MARCHF1: variants seen among roughly 807,000 people sequenced by gnomAD.
MARCHF1 encodes membrane associated ring-CH-type finger 1.
In MARCHF1, 40 loss-of-function variants were observed where a neutral mutation model predicts 54.2. That is an observed-to-expected ratio of 0.74 (90% CI 0.57 to 0.96). The LOEUF (loss-of-function observed/expected upper bound fraction) is 0.96. MARCHF1 is among the 40% of genes least tolerant of loss of function. The probability of loss-of-function intolerance (pLI) is 0.00; values close to 1 mark genes in which losing one functional copy is unlikely to be tolerated. For synonymous variants in MARCHF1, 236 were observed against 236.3 expected (o/e 1.00, Z 0.01); for missense variants, 586 against 656.5 (o/e 0.89, Z 1.17).
At chr4:163,888,556 T>C (rs2111262420) in intron 3 of MARCHF1, among the ~76,000 whole-genome samples, 1 of 152,304 alleles carries the variant, frequency 6.6e-6, no homozygotes, top group East Asian at 1.9e-4. Context: ...AAATACTGAT[T>C]ATTTGCATTT....
At chr4:164,019,263 G>A (rs1282963585) in intron 2 of MARCHF1, among the ~76,000 whole-genome samples, 1 of 152,146 alleles carries the variant, frequency 6.6e-6, no homozygotes, top group Non-Finnish European at 1.5e-5. Context: ...CAGGTGCACT[G>A]TATTTTCTTT....
chr4:164,218,890 T>G (rs1284354768), intron 1 of MARCHF1, among the ~76,000 whole-genome samples: 1 of 151,768 alleles, frequency 6.6e-6, no homozygotes, highest in Non-Finnish European at 1.5e-5. Context: ...TAACGAGCCT[T>G]TGGGAACTCC....
intron 4 of MARCHF1, among the ~76,000 whole-genome samples, chr4:163,835,106 T>C (rs1494288): frequency 0.79 from 119,590 of 152,036 alleles, 48,382 homozygotes; most frequent in Non-Finnish European, 0.91. Flanking sequence ...TGATCTCAAA[T>C]TTTTGGCCTT....
intron 1 of MARCHF1, among the ~76,000 whole-genome samples, chr4:164,273,439 G>A (rs1030879551): frequency 1.3e-4 from 20 of 152,244 alleles, no homozygotes; most frequent in African/African-American, 4.3e-4. Context: ...AATTCAAGAT[G>A]AGATTTAGGT....
intron 2 of MARCHF1, among the ~76,000 whole-genome samples, chr4:164,074,695 T>G (rs1754940360): frequency 6.6e-6 from 1 of 152,052 alleles, no homozygotes; most frequent in Non-Finnish European, 1.5e-5. Context: ...TGTTATGTTT[T>G]GAAAAGAAAT....
chr4:164,191,807 GAC>G (rs1731130725), intron 1 of MARCHF1, among the ~76,000 whole-genome samples: 1 of 152,224 alleles, frequency 6.6e-6, no homozygotes, highest in South Asian at 2.1e-4. Flanking sequence ...CACACTTGCT[GAC>G]AGATACATAT....
intron 4 of MARCHF1, among the ~76,000 whole-genome samples, chr4:163,752,533 G>T (rs969034301): frequency 6.6e-6 from 1 of 152,066 alleles, no homozygotes; most frequent in Non-Finnish European, 1.5e-5. Context: ...ATTGTGATAA[G>T]TGCTATATAA....
intron 1 of MARCHF1, among the ~76,000 whole-genome samples, chr4:164,127,577 G>A (rs1756211897): frequency 6.6e-6 from 1 of 151,972 alleles, no homozygotes; most frequent in African/African-American, 2.4e-5. Flanking sequence ...AAAAAATGTA[G>A]TAAACTAGAA....
At chr4:163,934,997 C>G (rs186560385) in intron 3 of MARCHF1, among the ~76,000 whole-genome samples, 70 of 152,190 alleles carry the variant, frequency 4.6e-4, no homozygotes, top group Non-Finnish European at 8.1e-4. Context: ...GCCTTAAAAA[C>G]TATGTTTCTT....
At chr4:163,869,175 AC>A (rs1439829508) in intron 3 of MARCHF1, among the ~76,000 whole-genome samples, 9 of 152,006 alleles carry the variant, frequency 5.9e-5, no homozygotes, top group African/African-American at 1.9e-4. Flanking sequence ...TAGTTCAAAG[AC>A]TACGTGAGTG....
At chr4:164,127,524 G>C (rs1178264621) in intron 1 of MARCHF1, among the ~76,000 whole-genome samples, 1 of 152,070 alleles carries the variant, frequency 6.6e-6, no homozygotes, top group Non-Finnish European at 1.5e-5. Context: ...GTATTACATG[G>C]CATATTCAAG....
At chr4:164,094,548 C>G (rs1755368829) in intron 2 of MARCHF1, among the ~76,000 whole-genome samples, 1 of 152,032 alleles carries the variant, frequency 6.6e-6, no homozygotes, top group Admixed American at 6.6e-5. Context: ...TCACTCTTAC[C>G]TAAGAGAGCA....
intron 1 of MARCHF1, among the ~76,000 whole-genome samples, chr4:164,214,980 AGT>A (rs1731886769): frequency 6.6e-6 from 1 of 152,128 alleles, no homozygotes. Context: ...ACCCCACGGC[AGT>A]GTCTAGGGGT....
At chr4:163,887,733 T>C (rs1750570872) in intron 3 of MARCHF1, among the ~76,000 whole-genome samples, 2 of 152,162 alleles carry the variant, frequency 1.3e-5, no homozygotes, top group Non-Finnish European at 2.9e-5. Flanking sequence ...CATGTGCATA[T>C]AAACACTAAA....
At chr4:164,237,179 T>C (rs1431151322) in intron 1 of MARCHF1, among the ~76,000 whole-genome samples, 3 of 152,162 alleles carry the variant, frequency 2.0e-5, no homozygotes, top group Admixed American at 6.6e-5. Context: ...CCTGATGACA[T>C]AATTTTATTT....
intron 3 of MARCHF1, among the ~76,000 whole-genome samples, chr4:163,856,360 T>C (rs1456989846): frequency 6.6e-6 from 1 of 152,160 alleles, no homozygotes; most frequent in Non-Finnish European, 1.5e-5. Context: ...ATACTATCCA[T>C]GGACATTGTA....
intron 5 of MARCHF1, among the ~76,000 whole-genome samples, chr4:163,638,063 A>G (rs1348618208): frequency 3.0e-5 from 4 of 133,302 alleles, no homozygotes; most frequent in Non-Finnish European, 6.2e-5. Context: ...GGACACAGGA[A>G]GAGGAACATC....
chr4:164,296,876 T>C (rs1173394875), intron 1 of MARCHF1, among the ~76,000 whole-genome samples: 2 of 152,150 alleles, frequency 1.3e-5, no homozygotes, highest in Non-Finnish European at 2.9e-5. Context: ...ATGTGAAAAT[T>C]TCTCACCACC....
chr4:164,099,804 G>A (rs894663783), intron 2 of MARCHF1, among the ~76,000 whole-genome samples: 2 of 151,934 alleles, frequency 1.3e-5, no homozygotes, highest in African/African-American at 4.8e-5. Context: ...ATGTATAAAT[G>A]CCTTTAAAAG....
Sources: allele counts gnomAD v4.1 joint callset (sites outside exome capture counted in the v4.1 genomes callset), GRCh38; gene constraint gnomAD v4.1.1; transcripts MANE v1.5; gene names NCBI Gene and HGNC (gene_info 2026-07-23, HGNC 2026-07-21).